Variants in KCNMA1 observed in about 807,000 individuals in gnomAD.
KCNMA1 encodes the protein Calcium-activated potassium channel subunit alpha-1.
Under a neutral mutation model 140.0 loss-of-function variants are expected in KCNMA1, and 29 were observed. The observed-to-expected ratio is 0.21, with a 90% CI of 0.15 to 0.28. KCNMA1 has a LOEUF of 0.28. KCNMA1 is among the 10% of genes least tolerant of loss of function. The probability of loss-of-function intolerance (pLI) is 1.00; values close to 1 mark genes in which losing one functional copy is unlikely to be tolerated. For synonymous variants in KCNMA1, 612 were observed against 611.9 expected (o/e 1.00, Z 0.00); for missense variants, 880 against 1,602.2 (o/e 0.55, Z 7.70).
intron 1 of KCNMA1, among the ~76,000 whole-genome samples, chr10:77,617,088 C>T (rs377378017): frequency 6.6e-6 from 1 of 152,206 alleles, no homozygotes; most frequent in African/African-American, 2.4e-5. Flanking sequence ...AACCGTATTA[C>T]TTATGTTACT....
chr10:77,192,983 GA>G (rs2039097209), intron 3 of KCNMA1, among the ~76,000 whole-genome samples: 2 of 151,842 alleles, frequency 1.3e-5, no homozygotes, highest in Admixed American at 6.6e-5. Flanking sequence ...AAGATTTCTT[GA>G]CAGAGAAAGC....
At chr10:77,120,820 A>G (rs1341381575) in intron 6 of KCNMA1, among the ~76,000 whole-genome samples, 153 bp downstream of exon 6, 1 of 151,838 alleles carries the variant, frequency 6.6e-6, no homozygotes, top group Non-Finnish European at 1.5e-5. Context: ...CTCAAACCCT[A>G]CTCTGGTTTT....
chr10:77,587,635 A>G (rs1748093199), intron 1 of KCNMA1: 1 of 906,494 alleles, frequency 1.1e-6, no homozygotes, highest in African/African-American at 1.8e-5. Context: ...CGGGCCCCTG[A>G]GTGTCCGGTG....
intron 2 of KCNMA1, chr10:77,373,648 T>A (rs935480108): frequency 1.3e-5 from 2 of 152,214 alleles, no homozygotes. Flanking sequence ...CTTCCACTCA[T>A]GTTTCCTTCC....
At position 76,886,642 on chromosome 10, in the gene KCNMA1, T is replaced by TA. The variant is rs1405266026; in HGVS notation, c.*623dup. ...GGGACAAAAGGCCTTGGTGAGTAAC[T>TA]AAAAAAATCACTGATGTTCTCTTGC... On this transcript the variant is annotated 3_prime_UTR_variant, in exon 28 of 28. Coordinates refer to ENST00000286628, the MANE Select transcript of KCNMA1 (RefSeq NM_001161352.2). The TA allele has an allele frequency of 4.0e-6, 4 of 991,374 alleles. No homozygotes were observed. The highest frequency in any genetic ancestry group is 1.7e-5 in the African/African-American group (1 of 57,354). 61.4% of individuals were successfully genotyped at this position (991,374 alleles called of 1,614,324 possible).
chr10:77,439,210 A>T (rs1032123680), intron 1 of KCNMA1, among the ~76,000 whole-genome samples: 1 of 152,226 alleles, frequency 6.6e-6, no homozygotes, highest in African/African-American at 2.4e-5. Context: ...GGTTGAAAGG[A>T]TTTCACAGAC....
At chr10:77,600,748 AACAC>A (rs60159761) in intron 1 of KCNMA1, among the ~76,000 whole-genome samples, 1 of 150,408 alleles carries the variant, frequency 6.6e-6, no homozygotes, top group Non-Finnish European at 1.5e-5. Flanking sequence ...CTCCATCTCA[AACAC>A]ACACACACAC....
intron 1 of KCNMA1, among the ~76,000 whole-genome samples, chr10:77,542,729 A>G (rs1252934448): frequency 6.6e-6 from 1 of 152,180 alleles, no homozygotes; most frequent in Admixed American, 6.5e-5. Flanking sequence ...GCACACACTC[A>G]TACTATCAAC....
chr10:77,620,571 C>A (rs2091058042), intron 1 of KCNMA1, among the ~76,000 whole-genome samples: 1 of 152,182 alleles, frequency 6.6e-6, no homozygotes, highest in Non-Finnish European at 1.5e-5. Flanking sequence ...TGTATCATGT[C>A]AGGAGCTGCA....
intron 19 of KCNMA1, among the ~76,000 whole-genome samples, chr10:76,979,338 G>A (rs1409107040): frequency 6.6e-6 from 1 of 152,182 alleles, no homozygotes; most frequent in South Asian, 2.1e-4. Context: ...GAGAGCTGGG[G>A]TCAGGTCTCT....
At chr10:77,489,045 AG>A (rs1301005587) in intron 1 of KCNMA1, among the ~76,000 whole-genome samples, 1 of 152,060 alleles carries the variant, frequency 6.6e-6, no homozygotes, top group African/African-American at 2.4e-5. Flanking sequence ...CTCTAGGCAG[AG>A]GGGGTCATAA....
At chr10:77,524,169 T>C (rs1299289749) in intron 1 of KCNMA1, among the ~76,000 whole-genome samples, 1 of 152,250 alleles carries the variant, frequency 6.6e-6, no homozygotes, top group Non-Finnish European at 1.5e-5. Flanking sequence ...ATCCTCGATG[T>C]CCAAGTGAAG....
intron 3 of KCNMA1, among the ~76,000 whole-genome samples, chr10:77,225,105 A>G (rs1056586087): frequency 1.3e-5 from 2 of 152,194 alleles, no homozygotes; most frequent in Non-Finnish European, 2.9e-5. Flanking sequence ...GACTATATAC[A>G]GCTTGACTTG....
intron 1 of KCNMA1, among the ~76,000 whole-genome samples, chr10:77,443,221 A>G (rs1412295731): frequency 1.3e-5 from 2 of 152,092 alleles, no homozygotes; most frequent in African/African-American, 4.8e-5. Flanking sequence ...TCCCAATGGA[A>G]AGCTTTTCTC....
chr10:77,518,726 T>C (rs1016799397), intron 1 of KCNMA1, among the ~76,000 whole-genome samples: 2 of 152,188 alleles, frequency 1.3e-5, no homozygotes, highest in East Asian at 3.9e-4. Context: ...TGGTCACCTA[T>C]GCTTTGGGGA....
downstream of KCNMA1, among the ~76,000 whole-genome samples, chr10:76,881,060 G>A (rs2034463515): frequency 1.5e-5 from 2 of 135,878 alleles, no homozygotes; most frequent in Admixed American, 7.3e-5. Flanking sequence ...GGGGGCTAGT[G>A]GGACAAGATA....
chr10:77,534,620 A>C (rs1395559191), intron 1 of KCNMA1, among the ~76,000 whole-genome samples: 1 of 152,232 alleles, frequency 6.6e-6, no homozygotes, highest in Non-Finnish European at 1.5e-5. Flanking sequence ...TTCTGGGTTC[A>C]AGGTCCAGGT....
chr10:77,049,353 G>A (rs908634380), intron 14 of KCNMA1, among the ~76,000 whole-genome samples: 1 of 152,192 alleles, frequency 6.6e-6, no homozygotes, highest in African/African-American at 2.4e-5. Flanking sequence ...CATCTCTCAG[G>A]AGGCCATGTG....
chr10:77,225,869 G>T (rs189144322), intron 3 of KCNMA1, among the ~76,000 whole-genome samples: 1 of 152,154 alleles, frequency 6.6e-6, no homozygotes, highest in Non-Finnish European at 1.5e-5. Flanking sequence ...CAGGCCAGTC[G>T]TCTCACCTGG....
Sources: allele counts gnomAD v4.1 joint callset (sites outside exome capture counted in the v4.1 genomes callset), GRCh38; gene constraint gnomAD v4.1.1; transcripts MANE v1.5; gene names NCBI Gene and HGNC (gene_info 2026-07-23, HGNC 2026-07-21).